Variants in MARK4 observed in about 807,000 individuals in gnomAD.
The protein encoded by MARK4 is MAP/microtubule affinity-regulating kinase 4.
In MARK4, 19 loss-of-function variants were observed where a neutral mutation model predicts 81.5. The observed-to-expected ratio is 0.23, with a 90% confidence interval of 0.16 to 0.34. The LOEUF (loss-of-function observed/expected upper bound fraction) is 0.34, where lower values mean the gene tolerates loss of function less well. Ranked by LOEUF, MARK4 falls within the 10% of genes least tolerant of loss-of-function variation. The pLI is 1.00. For missense variants in MARK4, 772 were observed against 1,058.8 expected (o/e 0.73, Z 3.76); for synonymous variants, 436 against 439.0 (o/e 0.99, Z 0.08).
intron 8 of MARK4, among the ~76,000 whole-genome samples, chr19:45,273,033 A>G (rs1482572170): frequency 6.6e-6 from 1 of 152,206 alleles, no homozygotes; most frequent in Non-Finnish European, 1.5e-5. Context: ...GGCAGCTAAC[A>G]AAACAATAAG....
At chr19:45,257,648 G>A (rs1024489163) in intron 1 of MARK4, among the ~76,000 whole-genome samples, 7 of 150,222 alleles carry the variant, frequency 4.7e-5, no homozygotes, top group Non-Finnish European at 1.0e-4. Context: ...CTCCCAAAGT[G>A]CTGGGATTAC....
intron 2 of MARK4, among the ~76,000 whole-genome samples, chr19:45,260,403 A>AG (rs1433245561): frequency 6.6e-6 from 1 of 150,626 alleles, no homozygotes; most frequent in Non-Finnish European, 1.5e-5. Flanking sequence ...AAAAAAAAAA[A>AG]AAAATTGGCC....
rs778930505 is a variant in MARK4, at chr19:45,287,602, A to G, written c.1432A>G (p.Ser478Gly). 1.3e-6 allele frequency: 2 copies of G among 1,597,994 alleles called. No homozygotes were observed. Among genetic ancestry groups the G allele is most frequent in the East Asian group, 2.2e-5 (1 of 44,484 alleles). The change falls in exon 13 of 17, where the codon AGC (serine) becomes GGC (glycine). Residue 478 changes from serine to glycine, a missense_variant. Physicochemically the swap from Ser to Gly is moderately conservative, Grantham distance 56. Around this residue, in one of 3 missense-constraint regions of MARK4, gnomAD observed 548 missense variants for 624.3 expected, o/e 0.88. Transcript: ENST00000262891. The stretch of plus-strand genomic sequence containing the variant: ...GCCCCCCTCCAGCCCCATGGTCAGC[A>G]GCGCCCACAACCCCAACAAGGCAGA... ...GLPPSSPMVS[S>G]AHNPNKAEIP... is the part of the protein sequence containing the mutation.
At chr19:45,292,155 G>C (rs1404430022) in intron 13 of MARK4, among the ~76,000 whole-genome samples, 2 of 152,144 alleles carry the variant, frequency 1.3e-5, no homozygotes, top group Non-Finnish European at 2.9e-5. Flanking sequence ...AGTGGAGGCA[G>C]AGCTGGACAT....
In MARK4 at chr19:45,302,420, C is replaced by T; in HGVS notation, c.1969C>T (p.Arg657Ter). The T allele has an allele frequency of 1.2e-6, 2 of 1,614,126 alleles. No individual in the cohort carries two copies. The highest frequency in any genetic ancestry group is 1.7e-6 in the Non-Finnish European group (2 of 1,179,992). Residue 657 changes from arginine to a stop codon, truncating the protein, a stop_gained, in exon 17 of 17, where the codon CGA becomes TGA. Coordinates refer to ENST00000262891, the MANE Select transcript of MARK4 (RefSeq NM_001199867.2). LOFTEE classifies it high-confidence loss of function. This position sits in a 1 kb window ranked among gnomAD's most constrained non-coding sequence, Gnocchi z 4.9. Reference protein sequence around the residue: ...DQTETAPRLLRFPWSVKLTSS... With the variant: ...DQTETAPRLL Reference sequence around the variant, plus strand: ...AACGGAAACCGCCCCCCGGCTGCTCCGATTCCCCTGGAGTGTGAAGCTGAC... The same window carrying T: ...AACGGAAACCGCCCCCCGGCTGCTCTGATTCCCCTGGAGTGTGAAGCTGAC...
At position 45,251,577 on chromosome 19, in the gene MARK4, G is replaced by A; in HGVS notation, c.-12G>A. ...CCACCCGGCCGCCCCTGCCCCCCGG[G>A]ACCCGGAGAAGATGTCTTCGCGGAC... On this transcript the variant is annotated 5_prime_UTR_variant, in exon 1 of 17. Coordinates refer to ENST00000262891, the MANE Select transcript of MARK4 (RefSeq NM_001199867.2). The A allele has an allele frequency of 8.6e-7, 1 of 1,162,870 alleles. No individual in the cohort carries two copies. The highest frequency in any genetic ancestry group is 1.8e-5 in the African/African-American group (1 of 56,416). 72.0% of individuals were successfully genotyped at this position (1,162,870 alleles called of 1,614,324 possible).
intron 8 of MARK4, 110 bp from the exon 9 acceptor site, chr19:45,277,813 G>A: frequency 1.5e-6 from 2 of 1,300,574 alleles, no homozygotes; most frequent in Non-Finnish European, 1.0e-6. Context: ...CAAAGGGGTT[G>A]GGACAAAGGT....
At chr19:45,269,181 C>A (rs1300564758) in intron 7 of MARK4, among the ~76,000 whole-genome samples, 1 of 152,116 alleles carries the variant, frequency 6.6e-6, no homozygotes, top group Non-Finnish European at 1.5e-5. Flanking sequence ...GAGTTCGAGA[C>A]CAGCCTGGCC....
At chr19:45,261,218 T>G (rs939550730) in intron 2 of MARK4, among the ~76,000 whole-genome samples, 2 of 152,214 alleles carry the variant, frequency 1.3e-5, no homozygotes, top group Admixed American at 6.6e-5. Context: ...GACTGATTTT[T>G]ACGCGCTAGT....
rs1184273604 is a variant in MARK4 at position 45,252,506 on chromosome 19, C to T, written c.51+867C>T. ...CCTTCCCCAACCCCCAACCTCTGGA[C>T]CCCCTGCTAGGCCAAACTCAGACCC... On this transcript the variant is annotated intron_variant, in intron 1 of 16. Transcript: ENST00000262891. 2.6e-5 allele frequency among the ~76,000 whole-genome samples: 4 copies of T among 151,520 alleles called. No individual in the cohort carries two copies. In the South Asian group the frequency reaches 6.3e-4, roughly 24 times the overall value.
intron 16 of MARK4, among the ~76,000 whole-genome samples, chr19:45,301,957 C>T (rs1163892639): frequency 2.0e-5 from 3 of 152,162 alleles, no homozygotes; most frequent in Non-Finnish European, 4.4e-5. Flanking sequence ...CCACTGTGAT[C>T]TATGCGGTCA....
chr19:45,299,794 C>T lies in MARK4; in HGVS notation c.1878-17C>T, dbSNP rs756327452. The T allele has an allele frequency of 1.3e-6, 2 of 1,588,870 alleles. No homozygotes were observed. The highest frequency in any genetic ancestry group is 2.3e-5 in the South Asian group (2 of 88,444). ...CTATGTCCAGATTAGACACTCTGTC[C>T]CCCTCCCCTCCCCTAGGGTCGCAGA... On this transcript the variant is annotated splice_polypyrimidine_tract_variant and intron_variant, in intron 15 of 16. Transcript: ENST00000262891.
At position 45,287,492 on chromosome 19, in the gene MARK4, G is replaced by T; in HGVS notation, c.1322G>T (p.Ser441Ile). Residue 441 changes from serine (S) to isoleucine (I), a missense_variant, in exon 13 of 17, where the codon AGC becomes ATC. Physicochemically the swap from Ser to Ile is moderately radical, Grantham distance 142 (BLOSUM62 -2). This residue lies in a region of MARK4 where 548 missense variants were observed against 624.3 expected (regional missense o/e 0.88). Transcript: ENST00000262891. ...CTGCACCCCAAACGCAGCCCGACGAGCACGGGGGAGGCGGAGCTGAAGGAG... is the reference window on the plus strand; with the variant it reads ...CTGCACCCCAAACGCAGCCCGACGATCACGGGGGAGGCGGAGCTGAAGGAG... Reference protein sequence around the residue: ...APLHPKRSPTSTGEAELKEER... With the variant: ...APLHPKRSPTITGEAELKEER... 1 of 1,516,988 alleles carries T rather than the reference G, an allele frequency of 6.6e-7. No homozygotes were observed. Among genetic ancestry groups the T allele is most frequent in the Non-Finnish European group, 8.9e-7 (1 of 1,128,210 alleles). 94.0% of individuals were successfully genotyped at this position (1,516,988 alleles called of 1,614,324 possible).
At chr19:45,277,706 T>C (rs572492665) in intron 8 of MARK4, among the ~76,000 whole-genome samples, 2 of 152,108 alleles carry the variant, frequency 1.3e-5, no homozygotes, top group South Asian at 4.2e-4. Context: ...CCATATGATG[T>C]TCCCATTTTA....
intron 12 of MARK4, among the ~76,000 whole-genome samples, chr19:45,284,272 T>C (rs1970714221): frequency 6.6e-6 from 1 of 152,024 alleles, no homozygotes; most frequent in Non-Finnish European, 1.5e-5. Context: ...CCTCCCAAAG[T>C]GCTGGGATTG....
chr19:45,254,422 G>C (rs575483786), intron 1 of MARK4, among the ~76,000 whole-genome samples: 1 of 152,160 alleles, frequency 6.6e-6, no homozygotes, highest in Non-Finnish European at 1.5e-5. Context: ...GGTGGGGATC[G>C]GAGGCCTTAT....
rs1465604051 is a variant in MARK4 at position 45,291,871 on chromosome 19, C to T, written c.1495-2478C>T. ...TCCATCAGAAGAGCTTCTTGATGCC[C>T]AGAGGGCTGGACAATAGGCACTGGG... On this transcript the variant is annotated intron_variant, in intron 13 of 16. Coordinates refer to ENST00000262891, the MANE Select transcript of MARK4 (RefSeq NM_001199867.2). Among the ~76,000 whole-genome samples the T allele has an allele frequency of 2.6e-5, 4 of 152,346 alleles. No homozygotes were observed. The East Asian group carries it at 7.7e-4, about 29-fold the overall frequency.
intron 1 of MARK4, among the ~76,000 whole-genome samples, chr19:45,256,000 C>A (rs1284179856): frequency 6.6e-6 from 1 of 152,250 alleles, no homozygotes; most frequent in African/African-American, 2.4e-5. Context: ...AACAGAACAT[C>A]AGGAGGAGAG....
At chr19:45,252,974 T>G (rs1050439749) in intron 1 of MARK4, among the ~76,000 whole-genome samples, 1 of 151,896 alleles carries the variant, frequency 6.6e-6, no homozygotes, top group Non-Finnish European at 1.5e-5. Context: ...GCTTTGTCAC[T>G]TTCCACCATT....
Sources: allele counts gnomAD v4.1 joint callset (sites outside exome capture counted in the v4.1 genomes callset), GRCh38; gene constraint gnomAD v4.1.1; regional missense constraint gnomAD v4.1.1; non-coding constraint Gnocchi (gnomAD v3.1); transcripts MANE v1.5; gene names NCBI Gene and HGNC (gene_info 2026-07-23, HGNC 2026-07-21).